Variants in SLFN14 observed in about 807,000 individuals in gnomAD.
SLFN14 encodes protein SLFN14.
Under a neutral mutation model 58.6 loss-of-function variants are expected in SLFN14, and 47 were observed. That is an observed-to-expected ratio of 0.80 (90% confidence interval 0.64 to 1.02). The LOEUF (loss-of-function observed/expected upper bound fraction) is 1.02, where lower values mean the gene tolerates loss of function less well. Among genes scored for constraint, SLFN14 ranks in the 50% least tolerant of loss-of-function variants. The pLI, the probability that SLFN14 is intolerant of heterozygous loss-of-function variation, is 0.00. For missense variants in SLFN14, 967 were observed against 1,078.4 expected, an observed-to-expected ratio of 0.90 and a Z score of 1.45; for synonymous variants, 390 against 387.3, an observed-to-expected ratio of 1.01 and a Z score of -0.08.
At chr17:35,559,118 T>A (rs1438921706) in intron 2 of SLFN14, among the ~76,000 whole-genome samples, 1 of 151,694 alleles carries the variant, frequency 6.6e-6, no homozygotes, top group Non-Finnish European at 1.5e-5. Context: ...CCCAGCTACC[T>A]AGGAGGCTGA....
Position 35,546,678 on chromosome 17 carries a change from T to C in SLFN14, c.*1561A>G, listed in dbSNP as rs967004494. Among the ~76,000 whole-genome samples the C allele has an allele frequency of 1.3e-5, 2 of 152,248 alleles. No homozygotes were observed. Among genetic ancestry groups the C allele is most frequent in the African/African-American group, 4.8e-5 (2 of 41,462 alleles). On this transcript the variant is annotated 3_prime_UTR_variant, in exon 6 of 6. Transcript: ENST00000674182. ...GAATTGGCTCAGCCATTTGGGGAAC[T>C]GACTAGAAAAGGGGAACTTTGATTT...
In SLFN14 at chr17:35,560,764, T is replaced by TA. The variant is rs34731533; in HGVS notation, c.-124+2dup. Among the ~76,000 whole-genome samples the TA allele has an allele frequency of 1.4e-4, 21 of 151,870 alleles. No homozygotes were observed. Among genetic ancestry groups the TA allele is most frequent in the African/African-American group, 4.3e-4 (18 of 41,426 alleles). ...TTTTAAGAATTTTTTTTTTTTTTTTTACCTATGCTCCTGTGTTTCCTCTTG... is the reference window on the plus strand; with the variant it reads ...TTTTAAGAATTTTTTTTTTTTTTTTTAACCTATGCTCCTGTGTTTCCTCTTG... On this transcript the variant is annotated splice_region_variant and intron_variant, in intron 1 of 5. Coordinates refer to ENST00000674182, the MANE Select transcript of SLFN14 (RefSeq NM_001129820.2).
chr17:35,554,209 C>A (rs116654184), intron 4 of SLFN14, among the ~76,000 whole-genome samples: 10,530 of 150,780 alleles, frequency 0.07, 645 homozygotes, highest in African/African-American at 0.16. Flanking sequence ...ATTTGGAAAA[C>A]AAAAGCCATA....
At chr17:35,553,989 G>A (rs921593339) in intron 4 of SLFN14, among the ~76,000 whole-genome samples, 11 of 152,180 alleles carry the variant, frequency 7.2e-5, no homozygotes, top group African/African-American at 2.2e-4. Flanking sequence ...GTATGTAGTA[G>A]GTACCAGATA....
rs992435729 is a variant in SLFN14 at position 35,546,989 on chromosome 17, A to C, written c.*1250T>G. On this transcript the variant is annotated 3_prime_UTR_variant, in exon 6 of 6. Transcript: ENST00000674182. ...CAAGTCATAATGGAAGAAATCAGAG[A>C]TGTGCAAAGGCCCCTTGTAGGAAGA... 2.0e-5 allele frequency among the ~76,000 whole-genome samples: 3 copies of C among 152,172 alleles called. No individual in the cohort carries two copies. The highest frequency in any genetic ancestry group is 7.2e-5 in the African/African-American group (3 of 41,440).
intron 3 of SLFN14, 63 bp from the exon 4 acceptor site, chr17:35,554,767 A>C: frequency 1.0e-6 from 1 of 984,662 alleles, no homozygotes; most frequent in East Asian, 4.0e-5. Context: ...AAAAAAAAAA[A>C]AGCCTCTTTT....
Position 35,544,321 on chromosome 17 carries a change from G to A in SLFN14, c.*3918C>T, listed in dbSNP as rs1226548544. 6.6e-6 allele frequency among the ~76,000 whole-genome samples: 1 copy of A among 152,270 alleles called. No individual in the cohort carries two copies. The highest frequency in any genetic ancestry group is 2.1e-4 in the South Asian group (1 of 4,826). On this transcript the variant is annotated 3_prime_UTR_variant, in exon 6 of 6. Transcript: ENST00000674182. ...TAACTACAAAGGGTATAGATATAGAGAGGTAGGAAATATTGGGAACAATAA... is the reference window on the plus strand; with the variant it reads ...TAACTACAAAGGGTATAGATATAGAAAGGTAGGAAATATTGGGAACAATAA...
At chr17:35,558,491 G>A (rs1439966202) in intron 2 of SLFN14, among the ~76,000 whole-genome samples, 2 of 149,296 alleles carry the variant, frequency 1.3e-5, no homozygotes, top group African/African-American at 2.5e-5. Flanking sequence ...GTCTTGCTAC[G>A]TTGCAATCCT....
rs2072560565 is a variant in SLFN14, at chr17:35,549,055, T to C, written c.1923A>G (p.Gln641=). The change falls in exon 6 of 6, where the codon CAA becomes CAG. Residue 641 remains glutamine, a synonymous_variant. Coordinates refer to ENST00000674182, the MANE Select transcript of SLFN14 (RefSeq NM_001129820.2). ...KDFVTQQTTC[Q]AVTRKTFMQG... is the part of the protein sequence containing the mutation. The stretch of plus-strand genomic sequence containing the variant: ...GCATGAAAGTTTTCCTGGTCACAGC[T>C]TGGCAGGTGGTTTGTTGGCTGTAAG... 2 of 1,551,370 alleles carry C rather than the reference T, an allele frequency of 1.3e-6. No individual in the cohort carries two copies.
At chr17:35,551,367 T>A (rs1435542107) in intron 5 of SLFN14, among the ~76,000 whole-genome samples, 1 of 152,246 alleles carries the variant, frequency 6.6e-6, no homozygotes, top group Non-Finnish European at 1.5e-5. Context: ...TTTTTGTCTG[T>A]GGTACCTCAG....
In SLFN14 at chr17:35,546,858, G is replaced by T. The variant is rs188166072; in HGVS notation, c.*1381C>A. On this transcript the variant is annotated 3_prime_UTR_variant, in exon 6 of 6. Transcript: ENST00000674182. Reference sequence around the variant, plus strand: ...AAAGGGTTTAAAGACTGAGAAAATGGCACAGGCACAGACCAGGAGTCGGGG... The same window carrying T: ...AAAGGGTTTAAAGACTGAGAAAATGTCACAGGCACAGACCAGGAGTCGGGG... Among the ~76,000 whole-genome samples the T allele has an allele frequency of 1.7e-3, 264 of 152,306 alleles. No individual in the cohort carries two copies. The highest frequency in any genetic ancestry group is 3.1e-3 in the Non-Finnish European group (208 of 68,030).
At chr17:35,553,831 G>T (rs527915287) in intron 4 of SLFN14, among the ~76,000 whole-genome samples, 1 of 152,088 alleles carries the variant, frequency 6.6e-6, no homozygotes, top group East Asian at 1.9e-4. Context: ...TAGAGACAGC[G>T]TTTCACCATG....
rs994437943 is a variant in SLFN14, at chr17:35,547,774, C to A, written c.*465G>T. Among the ~76,000 whole-genome samples the A allele has an allele frequency of 1.3e-4, 20 of 152,080 alleles. No homozygotes were observed. The highest frequency in any genetic ancestry group is 4.6e-4 in the African/African-American group (19 of 41,390). On this transcript the variant is annotated 3_prime_UTR_variant, in exon 6 of 6. Transcript: ENST00000674182. ...ACCATACCACCACCCAAAAATTATG[C>A]CAGGTGGGCTGGGGTGCATGAGAAA...
In SLFN14 at chr17:35,549,183, A is replaced by G. The variant is rs529611703; in HGVS notation, c.1905-110T>C. 604 of 844,224 alleles carry G rather than the reference A, an allele frequency of 7.2e-4. 2 individuals carry two copies. The African/African-American group carries it at 8.2e-3, about 12-fold the overall frequency. The allele number at this position is 844,224 out of a possible 1,614,324, so 52.3% of individuals were successfully genotyped here. A position where few individuals can be genotyped will look rare whatever the true frequency, so the allele number is the denominator to read the frequency against. On this transcript the variant is annotated intron_variant, in intron 5 of 5. Transcript: ENST00000674182. ...CTGATTCTCATCTGCAGGCTGAGTC[A>G]TTGATTCAGTAGTGTGAATACCACA...
At chr17:35,560,173 C>A (rs537349941) in intron 1 of SLFN14, among the ~76,000 whole-genome samples, 1 of 152,192 alleles carries the variant, frequency 6.6e-6, no homozygotes, top group Middle Eastern at 3.2e-3. Flanking sequence ...ATGGGACCCA[C>A]AAAACAAATC....
At chr17:35,554,803 T>C in intron 3 of SLFN14, 99 bp from the exon 4 acceptor site, 1 of 1,053,272 alleles carries the variant, frequency 9.5e-7, no homozygotes, top group Non-Finnish European at 1.3e-6. Context: ...TGGAGACCTG[T>C]GATGTGCATG....
rs987056673 is a variant in SLFN14 at position 35,554,403 on chromosome 17, C to CAT, written c.1189+171_1189+172dup. On this transcript the variant is annotated intron_variant, in intron 4 of 5. Coordinates refer to ENST00000674182, the MANE Select transcript of SLFN14 (RefSeq NM_001129820.2). ...TATATATATGACCCTTGTTTTCAGT[C>CAT]ATATATATATTATATATATAATATA... Among the ~76,000 whole-genome samples the CAT allele has an allele frequency of 3.4e-5, 5 of 145,642 alleles. No homozygotes were observed. The East Asian group carries it at 9.8e-4, about 29-fold the overall frequency.
chr17:35,554,693 A>T lies in SLFN14; in HGVS notation c.1072T>A (p.Leu358Met), dbSNP rs930262689. The part of the protein sequence containing the change: ...MLDTQSAPPS[L>M]VTDYNSCLIS... Reference sequence around the variant, plus strand: ...AGGCAAGAGTTGTAGTCTGTGACCAAACTGGGAGGAGCTAGACAATTACAT... The same window carrying T: ...AGGCAAGAGTTGTAGTCTGTGACCATACTGGGAGGAGCTAGACAATTACAT... The change falls in exon 4 of 6, where the codon TTG (leucine) becomes ATG (methionine). Residue 358 changes from leucine to methionine, a missense_variant. Physicochemically the swap from Leu to Met is conservative, Grantham distance 15 (BLOSUM62 2). Coordinates refer to ENST00000674182, the MANE Select transcript of SLFN14 (RefSeq NM_001129820.2). 1 of 1,453,512 alleles carries T rather than the reference A, an allele frequency of 6.9e-7. No homozygotes were observed. The highest frequency in any genetic ancestry group is 1.5e-5 in the African/African-American group (1 of 68,900). 90.0% of individuals were successfully genotyped at this position (1,453,512 alleles called of 1,614,324 possible). A position where few individuals can be genotyped will look rare whatever the true frequency, so the allele number is the denominator to read the frequency against.
rs1483657458 is a variant in SLFN14 at position 35,548,610 on chromosome 17, T to G, written c.2368A>C (p.Thr790Pro). The G allele has an allele frequency of 3.9e-6, 6 of 1,551,752 alleles. No individual in the cohort carries two copies. Among genetic ancestry groups the G allele is most frequent in the South Asian group, 3.6e-5 (3 of 84,064 alleles). The change falls in exon 6 of 6, where the codon ACA becomes CCA. Residue 790 changes from threonine (T) to proline (P), a missense_variant. Physicochemically the swap from Thr to Pro is conservative, Grantham distance 38. Coordinates refer to ENST00000674182, the MANE Select transcript of SLFN14 (RefSeq NM_001129820.2). ...PGVCETKTNL[T>P]TEQIANYVAR... ...ACATAGTTAGCTATTTGTTCTGTTGTCAGATTAGTCTTTGTCTCACACACC... is the reference window on the plus strand; with the variant it reads ...ACATAGTTAGCTATTTGTTCTGTTGGCAGATTAGTCTTTGTCTCACACACC...
Sources: gnomAD v4.1 joint callset for allele counts (sites outside exome capture counted in the v4.1 genomes callset) on GRCh38, gnomAD v4.1.1 for gene constraint, MANE v1.5 for transcripts, NCBI Gene and HGNC (gene_info 2026-07-23, HGNC 2026-07-21) for gene names.